CWF19L2: variants seen among roughly 807,000 people sequenced by gnomAD.
The protein encoded by CWF19L2 is CWF19-like protein 2.
CWF19L2 carries 98 observed loss-of-function variants against 111.7 expected under a neutral mutation model. That is an observed-to-expected ratio of 0.88 (90% CI 0.75 to 1.04). The LOEUF is 1.04. Ranked by LOEUF, CWF19L2 falls within the 50% of genes least tolerant of loss-of-function variation. CWF19L2 has a pLI of 0.00. For missense variants in CWF19L2, 1,101 were observed against 1,051.4 expected (o/e 1.05, Z -0.65); for synonymous variants, 351 against 342.9 (o/e 1.02, Z -0.26).
intron 12 of CWF19L2, among the ~76,000 whole-genome samples, chr11:107,362,176 C>A (rs1860358012): frequency 1.4e-5 from 2 of 142,002 alleles, no homozygotes; most frequent in Middle Eastern, 3.4e-3. Context: ...GGGTCCTACG[C>A]CCACGGAGTC....
chr11:107,411,566 T>C (rs2135393959), intron 10 of CWF19L2, among the ~76,000 whole-genome samples: 1 of 152,218 alleles, frequency 6.6e-6, no homozygotes, highest in Non-Finnish European at 1.5e-5. Flanking sequence ...ACCATGAAAA[T>C]GGTAAAGAAT....
At chr11:107,424,409 A>C (rs934434020) in intron 8 of CWF19L2, among the ~76,000 whole-genome samples, 1 of 151,446 alleles carries the variant, frequency 6.6e-6, no homozygotes, top group African/African-American at 2.4e-5. Context: ...CATAACTCTT[A>C]ATAATTTAGT....
In CWF19L2 at chr11:107,336,668, C is replaced by T; in HGVS notation, c.2248G>A (p.Asp750Asn). 1.3e-6 allele frequency: 2 copies of T among 1,561,020 alleles called. No homozygotes were observed. The highest frequency in any genetic ancestry group is 1.7e-6 in the Non-Finnish European group (2 of 1,144,808). The part of the protein sequence containing the change: ...LVKMFEDKGL[D>N]CIFLETNMSM... ...ATATTAGTTTCCAAAAAAATGCAGT[C>T]TAATCCTTTATCTTCAAACATCTTT... is the stretch of plus-strand genomic sequence containing the variant. The change falls in exon 15 of 18, where the codon GAC becomes AAC. Residue 750 changes from aspartate (D) to asparagine (N), a missense_variant. Asp to Asn is a conservative substitution (Grantham distance 23). Transcript: ENST00000282251.
At chr11:107,435,111 C>T (rs1054040773) in intron 6 of CWF19L2, among the ~76,000 whole-genome samples, 3 of 152,066 alleles carry the variant, frequency 2.0e-5, no homozygotes, top group Admixed American at 6.6e-5. Context: ...TAATTCCATT[C>T]TCCCATTCAG....
At chr11:107,352,830 T>C (rs1407321300) in intron 13 of CWF19L2, among the ~76,000 whole-genome samples, 1 of 152,192 alleles carries the variant, frequency 6.6e-6, no homozygotes, top group East Asian at 1.9e-4. Context: ...TGTACATGTA[T>C]GTTTCCCAAA....
intron 12 of CWF19L2, among the ~76,000 whole-genome samples, chr11:107,378,843 A>G (rs1205007276): frequency 7.1e-6 from 1 of 141,432 alleles, no homozygotes; most frequent in East Asian, 2.1e-4. Flanking sequence ...TATATATTGT[A>G]ACAAAAAAAA....
intron 12 of CWF19L2, among the ~76,000 whole-genome samples, chr11:107,356,213 G>C (rs1448113993): frequency 6.6e-5 from 10 of 152,044 alleles, no homozygotes; most frequent in Non-Finnish European, 8.8e-5. Flanking sequence ...CAACATATCA[G>C]AATTTGTGGT....
chr11:107,419,793 T>C (rs1861278257), intron 8 of CWF19L2, among the ~76,000 whole-genome samples: 1 of 152,164 alleles, frequency 6.6e-6, no homozygotes, highest in Non-Finnish European at 1.5e-5. Flanking sequence ...CAGAGGGCTG[T>C]GGGACAACCT....
intron 5 of CWF19L2, among the ~76,000 whole-genome samples, chr11:107,439,910 G>T (rs1487145875): frequency 6.6e-6 from 1 of 152,148 alleles, no homozygotes; most frequent in Non-Finnish European, 1.5e-5. Context: ...GGCTCAGCAT[G>T]GAGGAAAGTC....
rs11212187 is a variant in CWF19L2, at chr11:107,367,123, C to T, written c.1873-13387G>A. Among the ~76,000 whole-genome samples, 887 of 98,904 alleles carry T rather than the reference C, an allele frequency of 9.0e-3. 7 individuals carry two copies. Among genetic ancestry groups the T allele is most frequent in the Middle Eastern group, 0.037 (6 of 160 alleles). 64.9% of individuals were successfully genotyped at this position (98,904 alleles called of 152,430 possible). ...AGAGAAATGCAAATCAAAACCACAA[C>T]GAGATACCATCTCACACCAGTTAGA... On this transcript the variant is annotated intron_variant, in intron 12 of 17. Coordinates refer to ENST00000282251, the MANE Select transcript of CWF19L2 (RefSeq NM_152434.3).
At chr11:107,365,130 G>A (rs1860419121) in intron 12 of CWF19L2, among the ~76,000 whole-genome samples, 1 of 139,740 alleles carries the variant, frequency 7.2e-6, no homozygotes, top group Non-Finnish European at 1.5e-5. Flanking sequence ...CCAGGAAGAA[G>A]TTGAATCTCT....
In CWF19L2 at chr11:107,455,662, T is replaced by C; in HGVS notation, c.216+4A>G. ...TTACATCACGTAAACCTGTTAGTAT[T>C]CACCTGTGAGAACTGTTCAATTCTC... On this transcript the variant is annotated splice_donor_region_variant and intron_variant, in intron 2 of 17. Coordinates refer to ENST00000282251, the MANE Select transcript of CWF19L2 (RefSeq NM_152434.3). 1 of 1,509,366 alleles carries C rather than the reference T, an allele frequency of 6.6e-7. No homozygotes were observed. 93.5% of individuals were successfully genotyped at this position (1,509,366 alleles called of 1,614,324 possible). A position where few individuals can be genotyped will look rare whatever the true frequency, so the allele number is the denominator to read the frequency against.
At chr11:107,359,553 G>C (rs72990457) in intron 12 of CWF19L2, among the ~76,000 whole-genome samples, 12,436 of 152,180 alleles carry the variant, frequency 0.082, 674 homozygotes, top group Non-Finnish European at 0.13. Flanking sequence ...TGATAAACTA[G>C]CAAAATTTTT....
chr11:107,328,023 G>A (rs115168458), intron 17 of CWF19L2, among the ~76,000 whole-genome samples: 250 of 151,412 alleles, frequency 1.7e-3, no homozygotes, highest in African/African-American at 5.6e-3. Context: ...ACACACAGTT[G>A]TCTTCAGACA....
At chr11:107,444,295 G>T (rs1324508244) in intron 3 of CWF19L2, among the ~76,000 whole-genome samples, 1 of 151,946 alleles carries the variant, frequency 6.6e-6, no homozygotes, top group African/African-American at 2.4e-5. Context: ...TTAATCTACT[G>T]AAACTTCTCC....
chr11:107,389,663 T>A (rs1488562260), intron 12 of CWF19L2, among the ~76,000 whole-genome samples: 2 of 152,142 alleles, frequency 1.3e-5, no homozygotes, highest in Non-Finnish European at 2.9e-5. Context: ...CCATAATCCA[T>A]AATATATTAG....
intron 1 of CWF19L2, among the ~76,000 whole-genome samples, chr11:107,457,084 T>C (rs1228025977): frequency 2.0e-5 from 3 of 152,210 alleles, no homozygotes; most frequent in African/African-American, 4.8e-5. Flanking sequence ...ATTGAATAGA[T>C]TGTCAGATAA....
Position 107,441,512 on chromosome 11 carries a change from C to A in CWF19L2, c.561G>T (p.Ala187=). The A allele has an allele frequency of 2.6e-6, 4 of 1,534,418 alleles. No individual in the cohort carries two copies. In the South Asian group the frequency reaches 3.7e-5, roughly 14 times the overall value. Residue 187 remains alanine, a synonymous_variant, in exon 5 of 18, where the codon GCG becomes GCT. Coordinates refer to ENST00000282251, the MANE Select transcript of CWF19L2 (RefSeq NM_152434.3). The part of the protein sequence containing the change: ...MRKIEQEKNQ[A]LEQSKLMERE... ...TCAAATATTCTCTTACCTGTTCAAGCGCTTGGTTTTTCTCTTGCTCTATTT... is the reference window on the plus strand; with the variant it reads ...TCAAATATTCTCTTACCTGTTCAAGAGCTTGGTTTTTCTCTTGCTCTATTT...
At chr11:107,421,370 A>G (rs983033227) in intron 8 of CWF19L2, among the ~76,000 whole-genome samples, 11 of 152,104 alleles carry the variant, frequency 7.2e-5, no homozygotes, top group Admixed American at 5.9e-4. Flanking sequence ...ATTAAAACAA[A>G]GTTTAAAAAA....
Sources: allele counts gnomAD v4.1 joint callset (sites outside exome capture counted in the v4.1 genomes callset), GRCh38; gene constraint gnomAD v4.1.1; transcripts MANE v1.5; gene names NCBI Gene and HGNC (gene_info 2026-07-23, HGNC 2026-07-21).